FCGRT: variants seen among roughly 807,000 people sequenced by gnomAD.
FCGRT encodes the protein Fc gamma receptor and transporter, also known as IgG receptor FcRn large subunit p51.
A neutral mutation model predicts 35.7 loss-of-function variants in FCGRT; 13 were observed. The ratio of observed to expected loss-of-function variants is 0.36; its 90% CI spans 0.24 to 0.58. The LOEUF (loss-of-function observed/expected upper bound fraction) is 0.58, where lower values mean the gene tolerates loss of function less well. Among genes scored for constraint, FCGRT ranks in the 20% least tolerant of loss-of-function variants. The pLI is 0.77. For missense variants in FCGRT, 455 were observed against 474.9 expected, an observed-to-expected ratio of 0.96 and a Z score of 0.39; for synonymous variants, 233 against 216.5, an observed-to-expected ratio of 1.08 and a Z score of -0.67.
intron 4 of FCGRT, among the ~76,000 whole-genome samples, 169 bp downstream of exon 4, chr19:49,514,655 C>T (rs1429276089): frequency 6.6e-6 from 1 of 152,012 alleles, no homozygotes; most frequent in Non-Finnish European, 1.5e-5. Context: ...TCCCCAGCGC[C>T]CCCCAGGACA....
rs1568698932 is a variant in FCGRT at position 49,514,301 on chromosome 19, A to T, written c.416A>T (p.Glu139Val). The change falls in exon 4 of 7, where the codon GAG becomes GTG. Residue 139 changes from glutamate (E) to valine (V), a missense_variant. By Grantham distance (121) the Glu-to-Val change is moderately radical. This residue lies in a region of FCGRT where 7 missense variants were observed against 19.9 expected (regional missense o/e 0.35). Coordinates refer to ENST00000221466, the MANE Select transcript of FCGRT (RefSeq NM_001136019.3). ...PTAKFALNGE[E>V]FMNFDLKQGT... ...GCCAAGTTCGCCCTGAACGGCGAGGAGTTCATGAATTTCGACCTCAAGCAG... is the reference window on the plus strand; with the variant it reads ...GCCAAGTTCGCCCTGAACGGCGAGGTGTTCATGAATTTCGACCTCAAGCAG... The T allele has an allele frequency of 1.9e-6, 3 of 1,613,126 alleles. No individual in the cohort carries two copies. The highest frequency in any genetic ancestry group is 1.7e-6 in the Non-Finnish European group (2 of 1,179,738).
intron 4 of FCGRT, among the ~76,000 whole-genome samples, chr19:49,522,072 AT>A (rs755024984): frequency 0.015 from 2,103 of 142,404 alleles, 32 homozygotes; most frequent in East Asian, 0.066. Context: ...AAGTTTATGA[AT>A]TTTTTTTTTT....
chr19:49,525,663 A>AG (rs2080071038), intron 6 of FCGRT, 90 bp downstream of exon 6: 1 of 851,586 alleles, frequency 1.2e-6, no homozygotes, highest in Non-Finnish European at 1.9e-6. Flanking sequence ...AGACCCAGAG[A>AG]GGGGGGACAG....
intron 4 of FCGRT, among the ~76,000 whole-genome samples, chr19:49,518,475 C>T (rs1408612662): frequency 6.6e-6 from 1 of 151,804 alleles, no homozygotes; most frequent in Non-Finnish European, 1.5e-5. Flanking sequence ...AAGTAATTCT[C>T]CCACTTCAGC....
In FCGRT at chr19:49,525,568, T is replaced by C; in HGVS notation, c.983T>C (p.Leu328Pro). ...TTGTGGAGAAGGATGAGGAGTGGGC[T>C]GCCAGGTGGGGGGCAGCGGGAGGAA... Reference protein sequence around the residue: ...ALLWRRMRSGLPAPWISLRGD... With the variant: ...ALLWRRMRSGPPAPWISLRGD... Residue 328 changes from leucine to proline, a missense_variant, in exon 6 of 7, where the codon CTG (leucine) becomes CCG (proline). Leu to Pro is a moderately conservative substitution (Grantham distance 98, BLOSUM62 -3). This residue lies in a region of FCGRT where 312 missense variants were observed against 296.1 expected (regional missense o/e 1.05). Transcript: ENST00000221466. 1 of 1,609,354 alleles carries C rather than the reference T, an allele frequency of 6.2e-7. No individual in the cohort carries two copies. The highest frequency in any genetic ancestry group is 8.5e-7 in the Non-Finnish European group (1 of 1,177,096).
At chr19:49,513,552 C>T in intron 2 of FCGRT, 79 bp downstream of exon 2, 2 of 835,928 alleles carry the variant, frequency 2.4e-6, no homozygotes, top group Non-Finnish European at 3.2e-6. Context: ...GCGAAGCCAG[C>T]GGGACCCGAG....
intron 5 of FCGRT, 153 bp from the exon 6 acceptor site, chr19:49,525,304 G>A (rs1227016530): frequency 2.9e-6 from 2 of 694,552 alleles, no homozygotes; most frequent in Non-Finnish European, 5.2e-6. Context: ...GGGGCAGTCT[G>A]CCCAGATCGC....
chr19:49,516,419 GT>G (rs759161592), intron 4 of FCGRT, among the ~76,000 whole-genome samples: 125 of 124,316 alleles, frequency 1.0e-3, no homozygotes, highest in Middle Eastern at 0.01. Context: ...ATTTTTGTTT[GT>G]TTTTTTTTTT....
intron 4 of FCGRT, among the ~76,000 whole-genome samples, chr19:49,514,898 G>A (rs2079998650): frequency 1.3e-5 from 2 of 151,494 alleles, no homozygotes; most frequent in Non-Finnish European, 2.9e-5. Flanking sequence ...CTTCATGTTG[G>A]TCAGGCTGGT....
At chr19:49,525,156 C>G in intron 5 of FCGRT, 1 of 511,566 alleles carries the variant, frequency 2.0e-6, no homozygotes. Context: ...TGCTACTGCC[C>G]GGGCCCATGA....
chr19:49,515,746 C>T (rs2122668798), intron 4 of FCGRT, among the ~76,000 whole-genome samples: 1 of 152,218 alleles, frequency 6.6e-6, no homozygotes. Context: ...TTAATGTCCT[C>T]ATCAGACCCA....
At chr19:49,514,745 G>A (rs2079997511) in intron 4 of FCGRT, among the ~76,000 whole-genome samples, 1 of 149,564 alleles carries the variant, frequency 6.7e-6, no homozygotes, top group South Asian at 2.1e-4. Flanking sequence ...CCAGGCTGGA[G>A]TGTAATGGCG....
Position 49,524,690 on chromosome 19 carries a change from C to T in FCGRT, c.785C>T (p.Ser262Leu). ...NSDGSFHASSSLTVKSGDEHH... is the reference protein window; with the variant it reads ...NSDGSFHASSLLTVKSGDEHH... ...GACGGATCCTTCCACGCCTCGTCGTCACTAACAGTCAAAAGTGGCGATGAG... is the reference window on the plus strand; with the variant it reads ...GACGGATCCTTCCACGCCTCGTCGTTACTAACAGTCAAAAGTGGCGATGAG... Residue 262 changes from serine (S) to leucine (L), a missense_variant, in exon 5 of 7, where the codon TCA becomes TTA. Physicochemically the swap from Ser to Leu is moderately radical, Grantham distance 145 (BLOSUM62 -2). This residue lies in a region of FCGRT where 312 missense variants were observed against 296.1 expected (regional missense o/e 1.05). Transcript: ENST00000221466. 1 of 1,603,728 alleles carries T rather than the reference C, an allele frequency of 6.2e-7. No individual in the cohort carries two copies. The highest frequency in any genetic ancestry group is 1.1e-5 in the South Asian group (1 of 91,088).
At chr19:49,525,200 C>T in intron 5 of FCGRT, 1 of 525,496 alleles carries the variant, frequency 1.9e-6, no homozygotes, top group Non-Finnish European at 3.5e-6. Context: ...TGCCTCTCCC[C>T]ACTGCACTGG....
At chr19:49,525,949 C>T in intron 6 of FCGRT, 61 bp from the exon 7 acceptor site, 1 of 999,784 alleles carries the variant, frequency 1.0e-6, no homozygotes, top group Non-Finnish European at 1.6e-6. Flanking sequence ...ATGGGGGACG[C>T]CAGTCAGACC....
In FCGRT at chr19:49,523,817, G is replaced by A. The variant is rs1475084719; in HGVS notation, c.602-690G>A. On this transcript the variant is annotated intron_variant, in intron 4 of 6. Transcript: ENST00000221466. ...GGAGCTTGCAGTGAGCCGAGATCGCGCCACTGCACTCCAGCCTGGGAGACA... is the reference window on the plus strand; with the variant it reads ...GGAGCTTGCAGTGAGCCGAGATCGCACCACTGCACTCCAGCCTGGGAGACA... Among the ~76,000 whole-genome samples, 7 of 147,026 alleles carry A rather than the reference G, an allele frequency of 4.8e-5. No individual in the cohort carries two copies. In the South Asian group the frequency reaches 6.5e-4, roughly 14 times the overall value.
intron 4 of FCGRT, among the ~76,000 whole-genome samples, chr19:49,517,884 G>C (rs960447413): frequency 1.3e-5 from 2 of 152,062 alleles, no homozygotes; most frequent in East Asian, 3.8e-4. Context: ...GTAGAGATGA[G>C]GTTTCACCAT....
chr19:49,517,509 A>G (rs1401264677), intron 4 of FCGRT, among the ~76,000 whole-genome samples: 1 of 151,164 alleles, frequency 6.6e-6, no homozygotes, highest in Non-Finnish European at 1.5e-5. Context: ...AAGGAAAGAA[A>G]GAGAGAGGAG....
At chr19:49,513,712 T>TGGTCTCTCTC in intron 2 of FCGRT, 170 bp from the exon 3 acceptor site, 6 of 567,114 alleles carry the variant, frequency 1.1e-5, no homozygotes, top group African/African-American at 4.9e-5. Context: ...TCTGGGTCTC[T>TGGTCTCTCTC]TGTCTCTCTC....
Sources: allele counts gnomAD v4.1 joint callset (sites outside exome capture counted in the v4.1 genomes callset), GRCh38; gene constraint gnomAD v4.1.1; regional missense constraint gnomAD v4.1.1; transcripts MANE v1.5; gene names NCBI Gene and HGNC (gene_info 2026-07-23, HGNC 2026-07-21).